Variants in HNF4G observed in about 807,000 individuals in gnomAD.
HNF4G encodes hepatocyte nuclear factor 4 gamma.
A neutral mutation model predicts 50.9 loss-of-function variants in HNF4G; 21 were observed. The observed-to-expected ratio is 0.41, with a 90% CI of 0.29 to 0.59. The LOEUF is 0.59. Ranked by LOEUF, HNF4G falls within the 20% of genes least tolerant of loss-of-function variation. The pLI is 0.26. For missense variants in HNF4G, 527 were observed against 559.4 expected, an observed-to-expected ratio of 0.94 and a Z score of 0.58; for synonymous variants, 198 against 185.6, an observed-to-expected ratio of 1.07 and a Z score of -0.54.
In HNF4G at chr8:75,509,060, G is replaced by A. The variant is rs3779736; in HGVS notation, c.-24+18852G>A. ...ATGTGTCCGAAGAGGGTGAGTTTAA[G>A]GTATCAAGGAGGATGACATACCCAT... On this transcript the variant is annotated intron_variant, in intron 2 of 10. Coordinates refer to the HNF4G transcript ENST00000354370. Among the ~76,000 whole-genome samples, 228 of 152,282 alleles carry A rather than the reference G, an allele frequency of 1.5e-3. 4 individuals carry two copies. In the East Asian group the frequency reaches 0.039, roughly 26 times the overall value.
intron 1 of HNF4G, among the ~76,000 whole-genome samples, chr8:75,456,902 A>C (rs529382350): frequency 1.3e-5 from 2 of 151,808 alleles, no homozygotes; most frequent in African/African-American, 2.4e-5. Context: ...CACCATGCCC[A>C]AAAAAATAAA....
At chr8:75,485,633 T>C (rs951493857) in intron 1 of HNF4G, among the ~76,000 whole-genome samples, 1 of 152,236 alleles carries the variant, frequency 6.6e-6, no homozygotes, top group Non-Finnish European at 1.5e-5. Flanking sequence ...GTTTTAAAGA[T>C]ACCTAATTTA....
chr8:75,489,405 C>G (rs1027874007), intron 1 of HNF4G, among the ~76,000 whole-genome samples: 1 of 152,040 alleles, frequency 6.6e-6, no homozygotes, highest in African/African-American at 2.4e-5. Context: ...TGGAAGAGAC[C>G]AGAGATAAAC....
rs60920794 is a variant in HNF4G, at chr8:75,421,748, G to A, written c.-144+13586G>A. Among the ~76,000 whole-genome samples the A allele has an allele frequency of 5.7e-3, 860 of 152,156 alleles. 4 individuals carry two copies. The highest frequency in any genetic ancestry group is 0.017 in the African/African-American group (721 of 41,512). On this transcript the variant is annotated intron_variant, in intron 1 of 10. Transcript: ENST00000354370. The stretch of plus-strand genomic sequence containing the variant: ...GACTCAGTAGGTCTAGGATGGTGCC[G>A]AGCACCTGCATTTGTAGCAAGTTTG...
intron 2 of HNF4G, among the ~76,000 whole-genome samples, chr8:75,533,888 A>G (rs930859837): frequency 1.3e-5 from 2 of 151,908 alleles, no homozygotes; most frequent in Non-Finnish European, 2.9e-5. Context: ...ATTGTATTTT[A>G]TATGGAGAAA....
At chr8:75,533,711 G>A (rs1423710085) in intron 2 of HNF4G, among the ~76,000 whole-genome samples, 1 of 151,780 alleles carries the variant, frequency 6.6e-6, no homozygotes, top group Non-Finnish European at 1.5e-5. Flanking sequence ...TAACATTTCA[G>A]TTGAGCCAGT....
chr8:75,509,743 T>A (rs1342947383), intron 2 of HNF4G, among the ~76,000 whole-genome samples: 4 of 152,186 alleles, frequency 2.6e-5, no homozygotes, highest in Non-Finnish European at 5.9e-5. Flanking sequence ...ATGTCATAGC[T>A]GTTATAATGT....
chr8:75,423,807 G>GTTTC (rs1810829066), intron 1 of HNF4G, among the ~76,000 whole-genome samples: 2 of 102,668 alleles, frequency 1.9e-5, no homozygotes, highest in East Asian at 6.5e-4. Context: ...TTTCTGCCAA[G>GTTTC]TTTCTTTCTT....
intron 2 of HNF4G, among the ~76,000 whole-genome samples, chr8:75,526,806 G>A (rs568908175): frequency 4.0e-5 from 6 of 148,672 alleles, no homozygotes; most frequent in Non-Finnish European, 7.4e-5. Context: ...TCGTTCTGTC[G>A]CCCGGGCTAG....
At chr8:75,444,214 A>G (rs1211901537) in intron 1 of HNF4G, among the ~76,000 whole-genome samples, 3 of 151,880 alleles carry the variant, frequency 2.0e-5, no homozygotes, top group Non-Finnish European at 1.5e-5. Flanking sequence ...AATCCTTTAC[A>G]GACAAGCAAA....
At chr8:75,442,351 T>C (rs1811307808) in intron 1 of HNF4G, among the ~76,000 whole-genome samples, 1 of 152,064 alleles carries the variant, frequency 6.6e-6, no homozygotes, top group African/African-American at 2.4e-5. Flanking sequence ...ATATATTTTA[T>C]AATAAAATTA....
chr8:75,558,350 T>G (rs1807191526), intron 6 of HNF4G, among the ~76,000 whole-genome samples, 168 bp from the exon 7 acceptor site: 1 of 152,204 alleles, frequency 6.6e-6, no homozygotes, highest in Non-Finnish European at 1.5e-5. Context: ...TAAGCATGCT[T>G]AAGTTTTTCT....
intron 2 of HNF4G, among the ~76,000 whole-genome samples, chr8:75,492,580 T>C (rs902794038): frequency 1.3e-5 from 2 of 152,190 alleles, no homozygotes; most frequent in African/African-American, 4.8e-5. Flanking sequence ...ACATAACACT[T>C]GCACATAATT....
At chr8:75,499,917 T>A (rs2943604) in intron 2 of HNF4G, among the ~76,000 whole-genome samples, 24,135 of 152,022 alleles carry the variant, frequency 0.16, 3,226 homozygotes, top group African/African-American at 0.37. Context: ...CAAATGCAAC[T>A]GCTAAAACTA....
intron 1 of HNF4G, among the ~76,000 whole-genome samples, chr8:75,414,795 C>A (rs529249515): frequency 1.3e-5 from 2 of 152,310 alleles, no homozygotes; most frequent in South Asian, 2.1e-4. Context: ...TATCCATTCA[C>A]TTGATGAACA....
intron 1 of HNF4G, among the ~76,000 whole-genome samples, chr8:75,412,979 G>A (rs1452709160): frequency 6.6e-6 from 1 of 151,998 alleles, no homozygotes; most frequent in Non-Finnish European, 1.5e-5. Flanking sequence ...AGCTTGAGTA[G>A]CCTGGAGATA....
At chr8:75,423,765 A>C (rs1810826988) in intron 1 of HNF4G, among the ~76,000 whole-genome samples, 1 of 145,664 alleles carries the variant, frequency 6.9e-6, no homozygotes, top group Non-Finnish European at 1.5e-5. Flanking sequence ...TTAAATCACT[A>C]TCCAGCACAC....
intron 6 of HNF4G, among the ~76,000 whole-genome samples, chr8:75,556,481 A>C (rs1430229156): frequency 6.6e-6 from 1 of 152,164 alleles, no homozygotes; most frequent in Non-Finnish European, 1.5e-5. Flanking sequence ...CTTATTGCCC[A>C]TGATAGCCCA....
At chr8:75,410,958 A>C (rs149117795) in intron 1 of HNF4G, among the ~76,000 whole-genome samples, 554 of 152,314 alleles carry the variant, frequency 3.6e-3, no homozygotes, top group African/African-American at 0.013. Context: ...ATTCTTATTG[A>C]ATACTTAATA....
Sources: gnomAD v4.1 joint callset for allele counts (sites outside exome capture counted in the v4.1 genomes callset) on GRCh38, gnomAD v4.1.1 for gene constraint, MANE v1.5 for transcripts, NCBI Gene and HGNC (gene_info 2026-07-23, HGNC 2026-07-21) for gene names.